The following MBD5 variants were observed in gnomAD, a reference collection of about 807,000 sequenced individuals.
MBD5 encodes the protein methyl-CpG binding domain protein 5, also known as methyl-CpG-binding domain protein 5.
A neutral mutation model predicts 117.3 loss-of-function variants in MBD5; 13 were observed. That is an observed-to-expected ratio of 0.11 (90% CI 0.07 to 0.18). MBD5 has a LOEUF of 0.18. MBD5 is among the 10% of genes least tolerant of loss of function. The pLI is 1.00. For missense variants in MBD5, 1,879 were observed against 2,093.8 expected (o/e 0.90, Z 2.00); for synonymous variants, 727 against 766.4 (o/e 0.95, Z 0.85).
intron 1 of MBD5, among the ~76,000 whole-genome samples, chr2:148,079,712 C>A (rs1695595906): frequency 6.6e-6 from 1 of 151,888 alleles, no homozygotes; most frequent in Admixed American, 6.6e-5. Context: ...CCAAAATTAG[C>A]CAGGCATGGT....
chr2:148,201,901 G>A (rs1004596277), intron 2 of MBD5, among the ~76,000 whole-genome samples: 6 of 152,190 alleles, frequency 3.9e-5, no homozygotes, highest in African/African-American at 1.4e-4. Context: ...AACAAATTAG[G>A]AAAGGGTAGG....
chr2:148,174,302 C>T (rs767077987), intron 1 of MBD5, among the ~76,000 whole-genome samples: 4 of 152,036 alleles, frequency 2.6e-5, no homozygotes, highest in Non-Finnish European at 5.9e-5. Context: ...CAAAAATCAA[C>T]TCAAAATGGA....
chr2:148,352,923 A>G (rs1336908337), intron 4 of MBD5, among the ~76,000 whole-genome samples: 1 of 152,144 alleles, frequency 6.6e-6, no homozygotes, highest in African/African-American at 2.4e-5. Context: ...TTTATATTCT[A>G]TCTACCCAAG....
chr2:148,041,536 C>G (rs1248326936), intron 1 of MBD5, among the ~76,000 whole-genome samples: 1 of 152,086 alleles, frequency 6.6e-6, no homozygotes, highest in Admixed American at 6.6e-5. Flanking sequence ...GGAGAAGAAC[C>G]ACCATCAGGC....
At chr2:148,161,090 G>A (rs568169499) in intron 1 of MBD5, among the ~76,000 whole-genome samples, 3 of 152,212 alleles carry the variant, frequency 2.0e-5, no homozygotes, top group South Asian at 4.1e-4. Flanking sequence ...ATTGGTCCTG[G>A]TACCGATATA....
intron 1 of MBD5, among the ~76,000 whole-genome samples, chr2:148,048,539 G>A (rs1354400238): frequency 6.6e-6 from 1 of 152,008 alleles, no homozygotes; most frequent in African/African-American, 2.4e-5. Context: ...ATCTATTTTT[G>A]GACATTAGCA....
At chr2:148,244,012 G>A (rs932921524) in intron 3 of MBD5, 2 of 151,086 alleles carry the variant, frequency 1.3e-5, no homozygotes, top group African/African-American at 4.9e-5. Context: ...GTTCAAAAAT[G>A]TTGAAAGAAT....
At chr2:148,286,369 T>C (rs1701368992) in intron 3 of MBD5, among the ~76,000 whole-genome samples, 1 of 152,224 alleles carries the variant, frequency 6.6e-6, no homozygotes. Context: ...ATCAGAGTTA[T>C]GATCATATTT....
intron 2 of MBD5, among the ~76,000 whole-genome samples, chr2:148,215,751 G>A (rs1699538296): frequency 6.8e-6 from 1 of 146,598 alleles, no homozygotes; most frequent in African/African-American, 2.5e-5. Context: ...TCAAACTCCT[G>A]GCTTCAAGCG....
At chr2:148,313,313 G>A (rs181311930) in intron 3 of MBD5, among the ~76,000 whole-genome samples, 45 of 152,326 alleles carry the variant, frequency 3.0e-4, no homozygotes, top group African/African-American at 1.1e-3. Context: ...ATAAGCCCCT[G>A]ACTGGGGCTG....
In MBD5 at chr2:148,513,911, A is replaced by G. The variant is rs945580104; in HGVS notation, c.*970A>G. On this transcript the variant is annotated 3_prime_UTR_variant, in exon 14 of 14. Transcript: ENST00000642680. ...GATATCTGACAAGGTAAAACTTTCT[A>G]TTTCCGTACATGGAGGCAAAAACCC... is the stretch of plus-strand genomic sequence containing the variant. 6.6e-6 allele frequency: 1 copy of G among 152,114 alleles called. No individual in the cohort carries two copies. Among genetic ancestry groups the G allele is most frequent in the Non-Finnish European group, 1.5e-5 (1 of 68,008 alleles). 9.4% of individuals were successfully genotyped at this position (152,114 alleles called of 1,614,324 possible). A position where few individuals can be genotyped will look rare whatever the true frequency, so the allele number is the denominator to read the frequency against.
At chr2:148,341,516 G>C (rs1380142350) in intron 3 of MBD5, among the ~76,000 whole-genome samples, 1 of 151,992 alleles carries the variant, frequency 6.6e-6, no homozygotes. Flanking sequence ...AGGCTATATA[G>C]AGATATTTTG....
At chr2:148,500,697 T>A (rs927534890) in intron 11 of MBD5, among the ~76,000 whole-genome samples, 1 of 152,190 alleles carries the variant, frequency 6.6e-6, no homozygotes, top group Non-Finnish European at 1.5e-5. Context: ...CCTTCTGAGG[T>A]CCCTCGCTAC....
intron 2 of MBD5, among the ~76,000 whole-genome samples, chr2:148,210,665 T>A (rs1699401017): frequency 6.6e-6 from 1 of 152,024 alleles, no homozygotes; most frequent in Non-Finnish European, 1.5e-5. Flanking sequence ...GTTTACCCAT[T>A]TATTTTACTT....
intron 4 of MBD5, among the ~76,000 whole-genome samples, chr2:148,422,925 A>G (rs1214408910): frequency 6.6e-6 from 1 of 152,186 alleles, no homozygotes; most frequent in African/African-American, 2.4e-5. Flanking sequence ...GAAACATGGG[A>G]CTATGTGCAA....
rs188449443 is a variant in MBD5, at chr2:148,483,760, C to T, written c.3169C>T (p.Pro1057Ser). ...CCTTTTAACCAGCCCCCTGGGGAAC[C>T]CTTTACCAAGCTTTGCAGGCAGTGA... ...ETLLTSPLGN[P>S]LPSFAGSDTT... The change falls in exon 9 of 14, where the codon CCT (proline) becomes TCT (serine). Residue 1057 changes from proline to serine, a missense_variant. Pro to Ser is a moderately conservative substitution (Grantham distance 74). Coordinates refer to ENST00000642680, the MANE Select transcript of MBD5 (RefSeq NM_001378120.1). 2.9e-3 allele frequency: 4,572 copies of T among 1,550,594 alleles called. 8 individuals are homozygous for T. Among genetic ancestry groups the T allele is most frequent in the Non-Finnish European group, 3.3e-3 (3,745 of 1,146,974 alleles).
chr2:148,423,916 C>A (rs142064375), intron 4 of MBD5, among the ~76,000 whole-genome samples: 1 of 151,982 alleles, frequency 6.6e-6, no homozygotes, highest in East Asian at 1.9e-4. Flanking sequence ...TGGTGGCTCA[C>A]GCCTGTAATC....
At chr2:148,496,246 G>A (rs974294055) in intron 11 of MBD5, among the ~76,000 whole-genome samples, 1 of 152,144 alleles carries the variant, frequency 6.6e-6, no homozygotes, top group Non-Finnish European at 1.5e-5. Flanking sequence ...TTGAAAGGGA[G>A]CAAAATAGTT....
At chr2:148,130,368 T>C (rs1172752675) in intron 1 of MBD5, among the ~76,000 whole-genome samples, 1 of 152,142 alleles carries the variant, frequency 6.6e-6, no homozygotes, top group Non-Finnish European at 1.5e-5. Flanking sequence ...CATTCTTTTA[T>C]GGAATGGTAC....
Sources: allele counts gnomAD v4.1 joint callset (sites outside exome capture counted in the v4.1 genomes callset), GRCh38; gene constraint gnomAD v4.1.1; transcripts MANE v1.5; gene names NCBI Gene and HGNC (gene_info 2026-07-23, HGNC 2026-07-21).